The following SLC6A11 variants were observed in gnomAD, a reference collection of about 807,000 sequenced individuals.
SLC6A11 encodes the protein solute carrier family 6 member 11.
In SLC6A11, 25 loss-of-function variants were observed where a neutral mutation model predicts 74.8. The observed-to-expected ratio is 0.33, with a 90% CI of 0.24 to 0.47. The LOEUF is 0.47. SLC6A11 is among the 20% of genes least tolerant of loss of function. The pLI is 1.00. For synonymous variants in SLC6A11, 330 were observed against 330.2 expected (o/e 1.00, Z 0.01); for missense variants, 574 against 837.0 (o/e 0.69, Z 3.88).
intron 12 of SLC6A11, 64 bp from the exon 13 acceptor site, chr3:10,934,965 A>AC: frequency 7.0e-7 from 1 of 1,426,532 alleles, no homozygotes; most frequent in Non-Finnish European, 9.7e-7. Context: ...TGGGCCTCAG[A>AC]CCCCTCATGG....
chr3:10,923,105 A>G (rs1695557600), intron 8 of SLC6A11, among the ~76,000 whole-genome samples: 1 of 152,178 alleles, frequency 6.6e-6, no homozygotes, highest in South Asian at 2.1e-4. Flanking sequence ...ACAGATAGAT[A>G]TAGAAATATT....
At chr3:10,849,654 A>G (rs761464556) in intron 5 of SLC6A11, among the ~76,000 whole-genome samples, 15 of 152,220 alleles carry the variant, frequency 9.9e-5, no homozygotes, top group Non-Finnish European at 1.6e-4. Flanking sequence ...AGAATGATAC[A>G]ACTGAAATGC....
At chr3:10,905,393 G>T (rs1343436817) in intron 6 of SLC6A11, among the ~76,000 whole-genome samples, 1 of 152,164 alleles carries the variant, frequency 6.6e-6, no homozygotes, top group African/African-American at 2.4e-5. Context: ...AGGCTGTGCT[G>T]GAAGCTTGTG....
At position 10,877,216 on chromosome 3, in the gene SLC6A11, A is replaced by T. The variant is rs539917757; in HGVS notation, c.891+2121A>T. ...AGGCAGAGTTGAGTAGTTGAGACAG[A>T]AACCCTATGGACCCCTGTGTCGGGG... On this transcript the variant is annotated intron_variant, in intron 6 of 13. Transcript: ENST00000254488. Among the ~76,000 whole-genome samples the T allele has an allele frequency of 2.6e-5, 4 of 152,340 alleles. No homozygotes were observed. The East Asian group carries it at 7.7e-4, about 29-fold the overall frequency.
At chr3:10,907,798 G>A (rs770429472) in intron 6 of SLC6A11, among the ~76,000 whole-genome samples, 16 of 152,124 alleles carry the variant, frequency 1.1e-4, no homozygotes, top group Admixed American at 3.9e-4. Flanking sequence ...TGAAAGTCAC[G>A]GATCAACTAT....
In SLC6A11 at chr3:10,935,040, C is replaced by A. The variant is rs749815343; in HGVS notation, c.1587C>A (p.Ile529=). The change falls in exon 13 of 14, where the codon ATC becomes ATA. Residue 529 remains isoleucine, a synonymous_variant. Coordinates refer to ENST00000254488, the MANE Select transcript of SLC6A11 (RefSeq NM_014229.3). ...MTPGICAGIF[I]FFLIKYKPLK... ...CCATCTCTCTGCAGGGGATCTTCAT[C>A]TTCTTCTTGATCAAGTACAAGCCAC... 1 of 1,613,932 alleles carries A rather than the reference C, an allele frequency of 6.2e-7. No individual in the cohort carries two copies. The highest frequency in any genetic ancestry group is 8.5e-7 in the Non-Finnish European group (1 of 1,179,858).
intron 8 of SLC6A11, among the ~76,000 whole-genome samples, chr3:10,919,438 C>T (rs1366033165): frequency 6.6e-6 from 1 of 152,180 alleles, no homozygotes; most frequent in African/African-American, 2.4e-5. Context: ...CAAGGCCAGT[C>T]CTGCCCCAAC....
intron 6 of SLC6A11, among the ~76,000 whole-genome samples, chr3:10,891,440 C>G (rs1695106340): frequency 6.6e-6 from 1 of 152,162 alleles, no homozygotes; most frequent in South Asian, 2.1e-4. Context: ...TTCAACAGCT[C>G]AATTTTATTC....
At chr3:10,856,806 C>G (rs749168601) in intron 5 of SLC6A11, among the ~76,000 whole-genome samples, 2 of 152,150 alleles carry the variant, frequency 1.3e-5, no homozygotes, top group Non-Finnish European at 2.9e-5. Context: ...CCAGGCAGGC[C>G]CCGGTCTGAA....
At chr3:10,827,001 G>A (rs188579830) in intron 4 of SLC6A11, among the ~76,000 whole-genome samples, 8 of 152,324 alleles carry the variant, frequency 5.3e-5, no homozygotes, top group Non-Finnish European at 1.2e-4. Context: ...CATCCATGTG[G>A]TGTTGAATCC....
chr3:10,907,386 G>A (rs1389489100), intron 6 of SLC6A11, among the ~76,000 whole-genome samples: 2 of 152,124 alleles, frequency 1.3e-5, no homozygotes, highest in African/African-American at 4.8e-5. Flanking sequence ...GAAAGAAAAA[G>A]TGATAGGTAT....
intron 6 of SLC6A11, among the ~76,000 whole-genome samples, chr3:10,879,580 G>A (rs963703496): frequency 4.6e-5 from 7 of 152,164 alleles, no homozygotes; most frequent in Admixed American, 4.6e-4. Context: ...CCCAGCCAAT[G>A]GCCTTGAAGG....
intron 5 of SLC6A11, among the ~76,000 whole-genome samples, chr3:10,867,559 C>A (rs1453957435): frequency 6.6e-6 from 1 of 152,218 alleles, no homozygotes; most frequent in Non-Finnish European, 1.5e-5. Context: ...CGTGTCAGGA[C>A]CCTGGATAGC....
chr3:10,819,835 G>A lies in SLC6A11; in HGVS notation c.515G>A (p.Gly172Glu), dbSNP rs1559550946. 1.2e-6 allele frequency: 2 copies of A among 1,614,020 alleles called. No homozygotes were observed. The highest frequency in any genetic ancestry group is 1.7e-6 in the Non-Finnish European group (2 of 1,179,916). The change falls in exon 3 of 14, where the codon GGG (glycine) becomes GAG (glutamate). Residue 172 changes from glycine to glutamate, a missense_variant. This residue lies in a region of SLC6A11 where 215 missense variants were observed against 357.9 expected (regional missense o/e 0.60). Coordinates refer to ENST00000254488, the MANE Select transcript of SLC6A11 (RefSeq NM_014229.3). ...FTTELPWATC[G>E]HEWNTENCVE... ...ACTGAGCTACCCTGGGCTACCTGTG[G>A]GCATGAGTGGAACACAGGTATGGCC...
intron 10 of SLC6A11, among the ~76,000 whole-genome samples, chr3:10,931,019 G>A (rs556402511): frequency 1.3e-5 from 2 of 152,300 alleles, no homozygotes; most frequent in African/African-American, 4.8e-5. Flanking sequence ...ATTACTGGAA[G>A]GAACTTTCCC....
At chr3:10,846,567 T>C (rs1407173277) in intron 5 of SLC6A11, among the ~76,000 whole-genome samples, 1 of 152,192 alleles carries the variant, frequency 6.6e-6, no homozygotes, top group Admixed American at 6.5e-5. Flanking sequence ...CTCAGTCCCT[T>C]AGTGAGGCCC....
intron 9 of SLC6A11, among the ~76,000 whole-genome samples, chr3:10,928,603 A>G (rs983176854): frequency 3.3e-5 from 5 of 152,144 alleles, no homozygotes; most frequent in Admixed American, 6.5e-5. Flanking sequence ...TGATGCCTGC[A>G]TCGTTTGGCT....
rs557939288 is a variant in SLC6A11, at chr3:10,926,587, T to C, written c.1233+471T>C. Among the ~76,000 whole-genome samples the C allele has an allele frequency of 7.6e-4, 115 of 152,170 alleles. No individual in the cohort carries two copies. The highest frequency in any genetic ancestry group is 2.7e-3 in the African/African-American group (111 of 41,520). Reference sequence around the variant, plus strand: ...CCTCTTCCTCCATCTCTGTCCTGGATGCCACCACCAGCTCTGCCCCGCCAC... The same window carrying C: ...CCTCTTCCTCCATCTCTGTCCTGGACGCCACCACCAGCTCTGCCCCGCCAC... On this transcript the variant is annotated intron_variant, in intron 9 of 13. Coordinates refer to ENST00000254488, the MANE Select transcript of SLC6A11 (RefSeq NM_014229.3). The surrounding 1 kb of genome is among the most constrained non-coding windows in gnomAD (Gnocchi z 5.7).
intron 3 of SLC6A11, among the ~76,000 whole-genome samples, chr3:10,820,722 C>A (rs567208967): frequency 7.4e-4 from 112 of 152,326 alleles, no homozygotes; most frequent in African/African-American, 2.6e-3. Context: ...GCCATGCTCA[C>A]AGAAGACATC....
Sources: gnomAD v4.1 joint callset for allele counts (sites outside exome capture counted in the v4.1 genomes callset) on GRCh38, gnomAD v4.1.1 for gene constraint, gnomAD v4.1.1 regional missense constraint, Gnocchi (gnomAD v3.1) non-coding constraint, MANE v1.5 for transcripts, NCBI Gene and HGNC (gene_info 2026-07-23, HGNC 2026-07-21) for gene names.